EFCAB3: variants seen among roughly 807,000 people sequenced by gnomAD.
The protein encoded by EFCAB3 is EF-hand calcium-binding domain-containing protein 3.
Under a neutral mutation model 42.2 loss-of-function variants are expected in EFCAB3, and 36 were observed. The observed-to-expected ratio is 0.85, with a 90% confidence interval of 0.65 to 1.13. EFCAB3 has a LOEUF of 1.13. Among genes scored for constraint, EFCAB3 ranks in the 50% most tolerant of loss-of-function variants. The pLI, the probability that EFCAB3 is intolerant of heterozygous loss-of-function variation, is 0.00. For missense variants in EFCAB3, 418 were observed against 505.1 expected, an observed-to-expected ratio of 0.83 and a Z score of 1.65; for synonymous variants, 170 against 172.8, an observed-to-expected ratio of 0.98 and a Z score of 0.13.
chr17:62,378,333 A>G (rs1251315917), upstream of EFCAB3, among the ~76,000 whole-genome samples: 3 of 152,190 alleles, frequency 2.0e-5, no homozygotes, highest in African/African-American at 7.2e-5. Flanking sequence ...TTTACAAAGC[A>G]GGTGTTCCTG....
chr17:62,409,121 G>A (rs2144110923), intron 8 of EFCAB3, among the ~76,000 whole-genome samples: 1 of 152,228 alleles, frequency 6.6e-6, no homozygotes, highest in South Asian at 2.1e-4. Flanking sequence ...ACAGTGGCGT[G>A]ATCTTGGCTC....
Position 62,383,125 on chromosome 17 carries a change from A to G in EFCAB3, c.74+72A>G, listed in dbSNP as rs537870089. The G allele has an allele frequency of 1.8e-4, 258 of 1,410,110 alleles. 2 individuals carry two copies. The African/African-American group carries it at 3.0e-3, about 17-fold the overall frequency. 87.3% of individuals were successfully genotyped at this position (1,410,110 alleles called of 1,614,324 possible). On this transcript the variant is annotated intron_variant, in intron 2 of 9. Transcript: ENST00000305286. Reference sequence around the variant, plus strand: ...TTATTAGTGTTACAGCTCTTTTAGAATTTTGTCTAGCAGGTTTTCCGATCT... The same window carrying G: ...TTATTAGTGTTACAGCTCTTTTAGAGTTTTGTCTAGCAGGTTTTCCGATCT...
intron 6 of EFCAB3, among the ~76,000 whole-genome samples, chr17:62,398,474 A>G (rs2070372219): frequency 6.8e-6 from 1 of 146,038 alleles, no homozygotes; most frequent in Non-Finnish European, 1.5e-5. Context: ...GAAAAAAAAA[A>G]CTGTAGTGAT....
intron 8 of EFCAB3, among the ~76,000 whole-genome samples, chr17:62,407,515 A>C (rs1204423986): frequency 1.3e-5 from 2 of 152,002 alleles, no homozygotes; most frequent in Non-Finnish European, 1.5e-5. Context: ...CAGAAGCTGC[A>C]CTCTGGACAC....
intron 4 of EFCAB3, among the ~76,000 whole-genome samples, chr17:62,392,798 C>T (rs556445442): frequency 3.3e-5 from 5 of 151,970 alleles, no homozygotes; most frequent in Admixed American, 6.6e-5. Context: ...CCACCATGCC[C>T]GGCTAATTTT....
At chr17:62,389,414 AG>A (rs2070283645) in intron 3 of EFCAB3, among the ~76,000 whole-genome samples, 2 of 152,260 alleles carry the variant, frequency 1.3e-5, no homozygotes, top group Admixed American at 1.3e-4. Flanking sequence ...CAGTCCCTCC[AG>A]GGCCAGCAAG....
intron 3 of EFCAB3, among the ~76,000 whole-genome samples, chr17:62,391,573 C>T (rs980068204): frequency 6.6e-6 from 1 of 152,118 alleles, no homozygotes; most frequent in South Asian, 2.1e-4. Flanking sequence ...TAAGGGATTA[C>T]AGTGTGGATA....
chr17:62,395,075 A>G lies in EFCAB3; in HGVS notation c.375A>G (p.Glu125=), dbSNP rs116609702. The change falls in exon 6 of 10, where the codon GAA becomes GAG. Residue 125 remains glutamate, a synonymous_variant. Transcript: ENST00000305286. ...KNLFLKAVVP[E]KETCLDLAGN... is the part of the protein sequence containing the mutation. ...TTTGTTTTCCCTCCATAGTTCCAGA[A>G]AAGGAGACCTGTTTAGATTTGGCTG... 9.0e-5 allele frequency: 146 copies of G among 1,613,776 alleles called. No individual in the cohort carries two copies. In the African/African-American group the frequency reaches 1.6e-3, roughly 18 times the overall value.
intron 8 of EFCAB3, 149 bp downstream of exon 8, chr17:62,407,361 G>T (rs1010258930): frequency 1.5e-6 from 1 of 656,396 alleles, no homozygotes; most frequent in Non-Finnish European, 2.3e-6. Flanking sequence ...TTAAGTCCAG[G>T]TATTAACATT....
chr17:62,402,923 C>CT (rs1325501582), intron 6 of EFCAB3, among the ~76,000 whole-genome samples: 3 of 152,066 alleles, frequency 2.0e-5, no homozygotes, highest in Non-Finnish European at 2.9e-5. Flanking sequence ...TGGTCCTGGA[C>CT]TTTTTTTGGT....
At chr17:62,393,447 C>G in intron 4 of EFCAB3, 126 bp from the exon 5 acceptor site, 1 of 726,796 alleles carries the variant, frequency 1.4e-6, no homozygotes, top group Non-Finnish European at 2.2e-6. Flanking sequence ...GAGCATATTT[C>G]CAGCCCTCAA....
In EFCAB3 at chr17:62,400,688, T is replaced by C. The variant is rs529698929; in HGVS notation, c.488+5500T>C. The stretch of plus-strand genomic sequence containing the variant: ...ATTGTGAATAGTGCCACAATAAACA[T>C]ACATGTGCATGTGTCTCTATAGCAG... On this transcript the variant is annotated intron_variant, in intron 6 of 9. Transcript: ENST00000305286. 3.3e-5 allele frequency among the ~76,000 whole-genome samples: 5 copies of C among 152,312 alleles called. No individual in the cohort carries two copies. In the South Asian group the frequency reaches 1.0e-3, roughly 32 times the overall value.
Position 62,416,122 on chromosome 17 carries a change from C to A in EFCAB3, c.1110C>A (p.Ser370=), listed in dbSNP as rs762926000. 1.2e-6 allele frequency: 2 copies of A among 1,613,960 alleles called. No homozygotes were observed. Among genetic ancestry groups the A allele is most frequent in the African/African-American group, 2.7e-5 (2 of 75,032 alleles). ...TTGGGATGGACTCTAGAAATGAGTC[C>A]TTTTATGACACCTTTTCTACTTATA... ...DLIGMDSRNE[S]FYDTFSTYTW... Residue 370 remains serine, a synonymous_variant, in exon 10 of 10, where the codon TCC becomes TCA. Transcript: ENST00000305286.
chr17:62,370,823 C>T (rs1198183582), intron 1 of EFCAB3, among the ~76,000 whole-genome samples: 1 of 151,760 alleles, frequency 6.6e-6, no homozygotes, highest in African/African-American at 2.4e-5. Flanking sequence ...CGTGGTGGCT[C>T]ACACCTATAA....
At chr17:62,397,209 A>G (rs2070357620) in intron 6 of EFCAB3, among the ~76,000 whole-genome samples, 1 of 152,180 alleles carries the variant, frequency 6.6e-6, no homozygotes, top group African/African-American at 2.4e-5. Flanking sequence ...TCATCTTGCT[A>G]GTGCCTGATA....
intron 6 of EFCAB3, among the ~76,000 whole-genome samples, chr17:62,398,875 G>C (rs969394429): frequency 6.6e-6 from 1 of 152,144 alleles, no homozygotes; most frequent in African/African-American, 2.4e-5. Context: ...TCTTGATTTG[G>C]TTAATGGTAG....
intron 2 of EFCAB3, among the ~76,000 whole-genome samples, chr17:62,386,376 G>A (rs1320841471): frequency 6.6e-6 from 1 of 151,856 alleles, no homozygotes; most frequent in Non-Finnish European, 1.5e-5. Context: ...ATTTTCAGAG[G>A]TGTTCTCTAT....
At position 62,406,461 on chromosome 17, in the gene EFCAB3, ATTACTTTTTT is replaced by A. The variant is rs747275228; in HGVS notation, c.489-16_489-7del. 6.4e-7 allele frequency: 1 copy of A among 1,558,612 alleles called. No individual in the cohort carries two copies. ...TATGTCTCTTTGTATCCATTTCTGAATTACTTTTTTTTTTAAAGCTATTTCCAAAGAAAAT... is the reference window on the plus strand; with the variant it reads ...TATGTCTCTTTGTATCCATTTCTGAATTTTAAAGCTATTTCCAAAGAAAAT... On this transcript the variant is annotated splice_polypyrimidine_tract_variant and intron_variant, in intron 6 of 9. Coordinates refer to ENST00000305286, the MANE Select transcript of EFCAB3 (RefSeq NM_173503.4).
At chr17:62,406,794 A>G (rs2070451978) in intron 7 of EFCAB3, 121 bp downstream of exon 7, 5 of 1,026,922 alleles carry the variant, frequency 4.9e-6, no homozygotes, top group Non-Finnish European at 7.0e-6. Context: ...CTGAGTGACC[A>G]CTCTCTGTCA....
Sources: gnomAD v4.1 joint callset for allele counts (sites outside exome capture counted in the v4.1 genomes callset) on GRCh38, gnomAD v4.1.1 for gene constraint, MANE v1.5 for transcripts, NCBI Gene and HGNC (gene_info 2026-07-23, HGNC 2026-07-21) for gene names.